CACNB4: variants seen among roughly 807,000 people sequenced by gnomAD.
CACNB4 encodes voltage-dependent L-type calcium channel subunit beta-4.
CACNB4 carries 32 observed loss-of-function variants against 71.2 expected under a neutral mutation model. The ratio of observed to expected loss-of-function variants is 0.45; its 90% CI spans 0.34 to 0.60. The LOEUF (loss-of-function observed/expected upper bound fraction) is 0.60. CACNB4 is among the 20% of genes least tolerant of loss of function. CACNB4 has a pLI of 0.01. For synonymous variants in CACNB4, 231 were observed against 236.9 expected, an observed-to-expected ratio of 0.97 and a Z score of 0.23; for missense variants, 464 against 647.9, an observed-to-expected ratio of 0.72 and a Z score of 3.08.
At chr2:151,974,011 T>C (rs1251737863) in intron 2 of CACNB4, 9 of 1,139,540 alleles carry the variant, frequency 7.9e-6, no homozygotes, top group African/African-American at 1.6e-5. Context: ...TTGGCTCGGC[T>C]TCCCTGCTTC....
chr2:151,855,557 A>T (rs1203778637), intron 10 of CACNB4, among the ~76,000 whole-genome samples, 182 bp from the exon 11 acceptor site: 2 of 152,238 alleles, frequency 1.3e-5, no homozygotes, highest in Non-Finnish European at 2.9e-5. Context: ...TGAGTTTTGC[A>T]TACAACCAGT....
At chr2:151,897,749 C>CA (rs1279197903) in intron 2 of CACNB4, among the ~76,000 whole-genome samples, 2 of 152,178 alleles carry the variant, frequency 1.3e-5, no homozygotes, top group Non-Finnish European at 2.9e-5. Context: ...CATTTGCTTT[C>CA]AAGCACAATA....
At chr2:151,853,212 GAGA>G (rs1233716166) in intron 12 of CACNB4, 1 of 425,370 alleles carries the variant, frequency 2.4e-6, no homozygotes, top group Admixed American at 4.7e-5. Context: ...AGGTAGCAGT[GAGA>G]AGAACAGACC....
At position 151,836,643 on chromosome 2, in the gene CACNB4, T is replaced by G. The variant is rs558272942; in HGVS notation, c.*2476A>C. 1 of 151,952 alleles carries G rather than the reference T, an allele frequency of 6.6e-6. No homozygotes were observed. The highest frequency in any genetic ancestry group is 2.4e-5 in the African/African-American group (1 of 41,446). The allele number at this position is 151,952 out of a possible 1,614,324, so 9.4% of individuals were successfully genotyped here. On this transcript the variant is annotated 3_prime_UTR_variant, in exon 14 of 14. Coordinates refer to ENST00000539935, the MANE Select transcript of CACNB4 (RefSeq NM_000726.5). ...AACAGGTATGGACATCTGATGGTAA[T>G]TGATAGATTGGTTTTGTGCACAGAT... is the stretch of plus-strand genomic sequence containing the variant.
intron 2 of CACNB4, among the ~76,000 whole-genome samples, chr2:151,920,892 A>G (rs542932765): frequency 6.6e-6 from 1 of 152,212 alleles, no homozygotes; most frequent in African/African-American, 2.4e-5. Flanking sequence ...TAATCCTAGC[A>G]CTTTGGGAGG....
At chr2:151,964,231 G>GA (rs932653870) in intron 2 of CACNB4, among the ~76,000 whole-genome samples, 6 of 151,986 alleles carry the variant, frequency 3.9e-5, no homozygotes, top group Admixed American at 2.0e-4. Context: ...CCATTGATAT[G>GA]AAAAAAAATC....
intron 2 of CACNB4, among the ~76,000 whole-genome samples, chr2:151,951,901 A>G (rs560886833): frequency 6.6e-6 from 1 of 152,300 alleles, no homozygotes; most frequent in East Asian, 1.9e-4. Context: ...TGAGAACTGA[A>G]AAAGGGCTTT....
At chr2:151,912,631 T>A (rs745644402) in intron 2 of CACNB4, among the ~76,000 whole-genome samples, 2 of 152,254 alleles carry the variant, frequency 1.3e-5, no homozygotes, top group Non-Finnish European at 2.9e-5. Context: ...CTGAGAAGAA[T>A]ATATATTCTG....
intron 2 of CACNB4, among the ~76,000 whole-genome samples, chr2:152,032,357 C>T (rs1684334218): frequency 6.6e-6 from 1 of 152,162 alleles, no homozygotes; most frequent in Admixed American, 6.5e-5. Context: ...CCCTAAAATA[C>T]ATTGGACCAA....
chr2:152,097,827 T>G (rs1468767540), intron 2 of CACNB4, among the ~76,000 whole-genome samples: 1 of 152,188 alleles, frequency 6.6e-6, no homozygotes, highest in Non-Finnish European at 1.5e-5. Flanking sequence ...AGAGTAAACT[T>G]TCTGCTCAGT....
intron 2 of CACNB4, among the ~76,000 whole-genome samples, chr2:152,024,999 T>C (rs764705974): frequency 1.3e-5 from 2 of 152,162 alleles, no homozygotes; most frequent in African/African-American, 2.4e-5. Flanking sequence ...GGGGTTGCAG[T>C]GAGCCAAGAT....
chr2:152,081,422 G>A (rs896745306), intron 2 of CACNB4, among the ~76,000 whole-genome samples: 7 of 152,148 alleles, frequency 4.6e-5, no homozygotes, highest in Admixed American at 3.9e-4. Context: ...GGAGGCTGAG[G>A]TGGGAGGATT....
chr2:151,957,470 T>A (rs1317194422), intron 2 of CACNB4, among the ~76,000 whole-genome samples: 1 of 151,642 alleles, frequency 6.6e-6, no homozygotes, highest in Non-Finnish European at 1.5e-5. Context: ...GATAGGGAGA[T>A]GAATAAACCA....
At chr2:151,921,187 T>A (rs201437323) in intron 2 of CACNB4, among the ~76,000 whole-genome samples, 1 of 147,284 alleles carries the variant, frequency 6.8e-6, no homozygotes, top group African/African-American at 2.5e-5. Flanking sequence ...ATAAATAAGT[T>A]AAAAAAAAAC....
intron 2 of CACNB4, among the ~76,000 whole-genome samples, chr2:152,052,447 C>T (rs1685489457): frequency 6.6e-6 from 1 of 152,084 alleles, no homozygotes; most frequent in South Asian, 2.1e-4. Context: ...TACAGGCACA[C>T]CATTCCTGAC....
intron 12 of CACNB4, 113 bp from the exon 13 acceptor site, chr2:151,842,201 A>T (rs1578419559): frequency 1.2e-6 from 1 of 854,376 alleles, no homozygotes; most frequent in East Asian, 2.7e-5. Context: ...GCTAAAATCA[A>T]ATTTGAGGTG....
chr2:151,921,784 C>A (rs1014294584), intron 2 of CACNB4, among the ~76,000 whole-genome samples: 18 of 152,098 alleles, frequency 1.2e-4, no homozygotes, highest in African/African-American at 2.7e-4. Context: ...ATAGTGAGTT[C>A]TCACGAGATC....
At chr2:152,092,504 A>G (rs768632315) in intron 2 of CACNB4, among the ~76,000 whole-genome samples, 26 of 152,230 alleles carry the variant, frequency 1.7e-4, no homozygotes, top group Non-Finnish European at 3.2e-4. Context: ...CTTAAAAAAT[A>G]CGAGGTTCCT....
chr2:151,995,117 G>A (rs540779980), intron 2 of CACNB4, among the ~76,000 whole-genome samples: 1 of 152,286 alleles, frequency 6.6e-6, no homozygotes, highest in African/African-American at 2.4e-5. Flanking sequence ...GGCCTACTCA[G>A]TTGGCAAATA....
Sources: allele counts gnomAD v4.1 joint callset (sites outside exome capture counted in the v4.1 genomes callset), GRCh38; gene constraint gnomAD v4.1.1; transcripts MANE v1.5; gene names NCBI Gene and HGNC (gene_info 2026-07-23, HGNC 2026-07-21).